Variants in CIB2 observed in about 807,000 individuals in gnomAD.
CIB2 encodes calcium and integrin binding family member 2.
CIB2 carries 19 observed loss-of-function variants against 23.1 expected under a neutral mutation model. The ratio of observed to expected loss-of-function variants is 0.82; its 90% CI spans 0.57 to 1.21. The LOEUF (loss-of-function observed/expected upper bound fraction) is 1.21, where lower values mean the gene tolerates loss of function less well. Among genes scored for constraint, CIB2 ranks in the 50% most tolerant of loss-of-function variants. CIB2 has a pLI of 0.00. For missense variants in CIB2, 220 were observed against 241.5 expected, an observed-to-expected ratio of 0.91 and a Z score of 0.59; for synonymous variants, 94 against 91.7, an observed-to-expected ratio of 1.03 and a Z score of -0.14.
chr15:78,122,812 C>T (rs1368793479), intron 2 of CIB2, among the ~76,000 whole-genome samples: 1 of 152,190 alleles, frequency 6.6e-6, no homozygotes, highest in African/African-American at 2.4e-5. Flanking sequence ...GGAATAGCAG[C>T]CTGGGTAGAG....
At position 78,105,283 on chromosome 15, in the gene CIB2, C is replaced by T; in HGVS notation, c.*28G>A. The T allele has an allele frequency of 6.2e-7, 1 of 1,613,774 alleles. No individual in the cohort carries two copies. Among genetic ancestry groups the T allele is most frequent in the Non-Finnish European group, 8.5e-7 (1 of 1,179,802 alleles). ...GACTGCAGGGCAGGATGGTGGACTT[C>T]TAGGCCCCTACAGCCTCGGCAGTGT... On this transcript the variant is annotated 3_prime_UTR_variant, in exon 6 of 6. Coordinates refer to ENST00000258930, the MANE Select transcript of CIB2 (RefSeq NM_006383.4).
intron 4 of CIB2, among the ~76,000 whole-genome samples, chr15:78,108,606 C>T (rs897605805): frequency 6.6e-6 from 1 of 152,184 alleles, no homozygotes; most frequent in African/African-American, 2.4e-5. Context: ...TTCGGGGGGG[C>T]TCCAGAGGCC....
chr15:78,125,382 G>A (rs958771227), intron 1 of CIB2, among the ~76,000 whole-genome samples: 1 of 152,166 alleles, frequency 6.6e-6, no homozygotes, highest in African/African-American at 2.4e-5. Context: ...TGGAAATGGG[G>A]AGAGGTCCCA....
intron 2 of CIB2, among the ~76,000 whole-genome samples, chr15:78,118,449 C>T (rs1021960917): frequency 3.3e-5 from 5 of 152,048 alleles, no homozygotes; most frequent in African/African-American, 1.2e-4. Context: ...AACAGCCTGG[C>T]CTGGTGGCGC....
intron 1 of CIB2, among the ~76,000 whole-genome samples, chr15:78,125,412 C>A (rs748728369): frequency 1.3e-5 from 2 of 152,094 alleles, no homozygotes; most frequent in African/African-American, 2.4e-5. Context: ...CTCTTCCCCC[C>A]GATCTGTCCT....
At chr15:78,119,482 G>A (rs1278389954) in intron 2 of CIB2, among the ~76,000 whole-genome samples, 1 of 152,130 alleles carries the variant, frequency 6.6e-6, no homozygotes, top group Non-Finnish European at 1.5e-5. Context: ...TTATTTGTAA[G>A]TGTTTGAGGA....
At chr15:78,125,141 G>C (rs2074366148) in intron 1 of CIB2, among the ~76,000 whole-genome samples, 1 of 152,122 alleles carries the variant, frequency 6.6e-6, no homozygotes, top group African/African-American at 2.4e-5. Flanking sequence ...GCTCAGGCTG[G>C]GGAAGCAGTG....
intron 2 of CIB2, among the ~76,000 whole-genome samples, chr15:78,111,592 A>G (rs941368485): frequency 6.6e-6 from 1 of 152,132 alleles, no homozygotes; most frequent in African/African-American, 2.4e-5. Flanking sequence ...TTGGGCTCTC[A>G]TAAGGGTTTT....
intron 3 of CIB2, 44 bp downstream of exon 3, chr15:78,111,121 G>C: frequency 1.3e-6 from 2 of 1,556,148 alleles, no homozygotes; most frequent in Non-Finnish European, 8.9e-7. Context: ...TGCTGGTCCA[G>C]AGGCACAGAT....
intron 2 of CIB2, among the ~76,000 whole-genome samples, chr15:78,114,598 T>G (rs542216591): frequency 2.0e-5 from 3 of 152,224 alleles, no homozygotes; most frequent in Admixed American, 6.5e-5. Flanking sequence ...GCATCCAGAA[T>G]GGACCAATGG....
intron 1 of CIB2, among the ~76,000 whole-genome samples, chr15:78,130,247 G>GC (rs869284609): frequency 1.9e-4 from 22 of 118,562 alleles, no homozygotes; most frequent in Admixed American, 9.8e-4. Flanking sequence ...ATCCTCTGGA[G>GC]GGGGGAAAGG....
intron 1 of CIB2, among the ~76,000 whole-genome samples, chr15:78,125,539 T>A (rs1319786307): frequency 1.3e-5 from 2 of 152,186 alleles, no homozygotes. Context: ...CCCTGCTCCC[T>A]GTCACAATTA....
intron 2 of CIB2, among the ~76,000 whole-genome samples, chr15:78,123,190 C>G (rs975316203): frequency 6.6e-5 from 10 of 152,162 alleles, no homozygotes; most frequent in African/African-American, 2.4e-4. Flanking sequence ...TGGCCATGCC[C>G]TCAACTTTTA....
intron 2 of CIB2, among the ~76,000 whole-genome samples, chr15:78,115,558 G>T (rs1302972441): frequency 1.3e-5 from 2 of 151,484 alleles, no homozygotes; most frequent in Non-Finnish European, 2.9e-5. Flanking sequence ...ACCGCACCTG[G>T]TCAAAAGTAT....
chr15:78,122,463 A>C (rs2074332737), intron 2 of CIB2, among the ~76,000 whole-genome samples: 1 of 152,224 alleles, frequency 6.6e-6, no homozygotes, highest in Non-Finnish European at 1.5e-5. Context: ...GAAAGGTAAA[A>C]GGTGCCACAA....
chr15:78,122,645 T>C (rs1047972252), intron 2 of CIB2, among the ~76,000 whole-genome samples: 7 of 152,214 alleles, frequency 4.6e-5, no homozygotes, highest in South Asian at 2.1e-4. Flanking sequence ...ACTATCCCTA[T>C]TATACAGAAG....
chr15:78,107,189 C>T (rs1299704968), intron 4 of CIB2, among the ~76,000 whole-genome samples: 1 of 152,152 alleles, frequency 6.6e-6, no homozygotes, highest in South Asian at 2.1e-4. Context: ...GAGCTGAGAT[C>T]GCACCACTGC....
intron 4 of CIB2, among the ~76,000 whole-genome samples, chr15:78,107,240 TA>T (rs1244028305): frequency 2.6e-5 from 4 of 151,120 alleles, no homozygotes; most frequent in African/African-American, 9.8e-5. Context: ...ATCTCAAAAA[TA>T]AAAAAAGAAA....
In CIB2 at chr15:78,117,246, C is replaced by CAAAAAAAAAAAAAAAAAAAAAAA. The variant is rs60332437; in HGVS notation, c.87-5993_87-5971dup. ...GTTAAGTGTTTCTTCAAGCTACTGG[C>CAAAAAAAAAAAAAAAAAAAAAAA]AAAAAAAAAAAAAAAAAAAAAAAAA... On this transcript the variant is annotated intron_variant, in intron 2 of 5. Transcript: ENST00000258930. Among the ~76,000 whole-genome samples the CAAAAAAAAAAAAAAAAAAAAAAA allele has an allele frequency of 6.8e-4, 38 of 55,476 alleles. 8 individuals are homozygous for CAAAAAAAAAAAAAAAAAAAAAAA. The highest frequency in any genetic ancestry group is 1.3e-3 in the East Asian group (1 of 800). The allele number at this position is 55,476 out of a possible 152,430, so 36.4% of individuals were successfully genotyped here. A position where few individuals can be genotyped will look rare whatever the true frequency, so the allele number is the denominator to read the frequency against.
Sources: gnomAD v4.1 joint callset for allele counts (sites outside exome capture counted in the v4.1 genomes callset) on GRCh38, gnomAD v4.1.1 for gene constraint, MANE v1.5 for transcripts, NCBI Gene and HGNC (gene_info 2026-07-23, HGNC 2026-07-21) for gene names.